Variants in DNAJC5B observed in about 807,000 individuals in gnomAD.
The protein encoded by DNAJC5B is DnaJ heat shock protein family (Hsp40) member C5 beta.
DNAJC5B carries 23 observed loss-of-function variants against 24.7 expected under a neutral mutation model. That is an observed-to-expected ratio of 0.93 (90% CI 0.67 to 1.32). DNAJC5B has a LOEUF of 1.32. DNAJC5B is among the 40% of genes most tolerant of loss of function. DNAJC5B has a pLI of 0.00. For synonymous variants in DNAJC5B, 101 were observed against 90.1 expected, an observed-to-expected ratio of 1.12 and a Z score of -0.68; for missense variants, 238 against 240.8, an observed-to-expected ratio of 0.99 and a Z score of 0.08.
chr8:66,035,312 A>G (rs974159176), intron 1 of DNAJC5B, among the ~76,000 whole-genome samples: 1 of 152,228 alleles, frequency 6.6e-6, no homozygotes, highest in South Asian at 2.1e-4. Context: ...CTGCGCCTGT[A>G]AAAGAGACAT....
At chr8:66,060,168 G>C (rs922465898) in intron 3 of DNAJC5B, among the ~76,000 whole-genome samples, 2 of 152,178 alleles carry the variant, frequency 1.3e-5, no homozygotes, top group Non-Finnish European at 2.9e-5. Context: ...TGCTCAGGGG[G>C]TGAGCCAGAC....
At chr8:66,097,857 C>CT (rs1048934191) in intron 5 of DNAJC5B, among the ~76,000 whole-genome samples, 15 of 151,280 alleles carry the variant, frequency 9.9e-5, no homozygotes, top group East Asian at 1.9e-4. Context: ...CTTGTCTTTT[C>CT]TTTTTTTTTG....
chr8:66,099,822 T>A, intron 5 of DNAJC5B, 115 bp from the exon 6 acceptor site: 1 of 834,846 alleles, frequency 1.2e-6, no homozygotes, highest in Non-Finnish European at 1.9e-6. Context: ...ATTGATATCT[T>A]ATGAATTGAG....
intron 2 of DNAJC5B, among the ~76,000 whole-genome samples, chr8:66,047,756 C>T (rs1806753360): frequency 6.6e-6 from 1 of 152,180 alleles, no homozygotes; most frequent in Non-Finnish European, 1.5e-5. Context: ...AAATAGGATT[C>T]CAGCCCCTGA....
At chr8:66,069,037 G>A (rs1379422541) in intron 3 of DNAJC5B, among the ~76,000 whole-genome samples, 1 of 151,750 alleles carries the variant, frequency 6.6e-6, no homozygotes, top group Admixed American at 6.6e-5. Context: ...AGAGAAAACT[G>A]TGAATTAATC....
intron 5 of DNAJC5B, among the ~76,000 whole-genome samples, chr8:66,088,084 T>C (rs1211808342): frequency 2.6e-5 from 4 of 152,180 alleles, no homozygotes; most frequent in African/African-American, 7.2e-5. Flanking sequence ...TGCCTGGACA[T>C]CCAGGCATTT....
Position 66,100,940 on chromosome 8 carries a change from G to A in DNAJC5B, c.*909G>A, listed in dbSNP as rs560291083. 4.6e-5 allele frequency among the ~76,000 whole-genome samples: 7 copies of A among 152,240 alleles called. No individual in the cohort carries two copies. The East Asian group carries it at 1.3e-3, about 29-fold the overall frequency. On this transcript the variant is annotated 3_prime_UTR_variant, in exon 6 of 6. Transcript: ENST00000276570. Reference sequence around the variant, plus strand: ...GCATGTTACACAATTTAAGCCCAGAGGTCATCTCTGCATTTGCTTGTTTGA... The same window carrying A: ...GCATGTTACACAATTTAAGCCCAGAAGTCATCTCTGCATTTGCTTGTTTGA...
chr8:66,091,125 G>A (rs532117881), intron 5 of DNAJC5B, among the ~76,000 whole-genome samples: 1 of 152,272 alleles, frequency 6.6e-6, no homozygotes, highest in African/African-American at 2.4e-5. Context: ...CATTTGCTGA[G>A]CACTTAGTAT....
At chr8:66,032,053 T>C (rs2128956441) in intron 1 of DNAJC5B, among the ~76,000 whole-genome samples, 1 of 152,396 alleles carries the variant, frequency 6.6e-6, no homozygotes, top group Admixed American at 6.5e-5. Context: ...ATTTAATAAA[T>C]GTTTGCACAT....
chr8:66,089,548 T>A (rs1253678816), intron 5 of DNAJC5B, among the ~76,000 whole-genome samples: 3 of 152,236 alleles, frequency 2.0e-5, no homozygotes, highest in African/African-American at 7.2e-5. Context: ...TAATTATGTA[T>A]CTAAGACTTT....
intron 1 of DNAJC5B, among the ~76,000 whole-genome samples, chr8:66,023,954 C>T (rs76141806): frequency 0.011 from 1,680 of 152,138 alleles, 34 homozygotes; most frequent in African/African-American, 0.036. Context: ...TGCAAATGTA[C>T]TAATATCAGC....
intron 5 of DNAJC5B, among the ~76,000 whole-genome samples, chr8:66,091,488 T>C (rs558119325): frequency 6.6e-6 from 1 of 152,136 alleles, no homozygotes; most frequent in Non-Finnish European, 1.5e-5. Context: ...CCTCTCCCCA[T>C]ATTCTTGTGG....
chr8:66,060,156 C>T (rs577854933), intron 3 of DNAJC5B, among the ~76,000 whole-genome samples: 8 of 152,350 alleles, frequency 5.3e-5, no homozygotes, highest in African/African-American at 1.2e-4. Flanking sequence ...GACCCAGACA[C>T]ATGCTCAGGG....
At chr8:66,099,876 C>T (rs1808035580) in intron 5 of DNAJC5B, 61 bp from the exon 6 acceptor site, 1 of 1,462,760 alleles carries the variant, frequency 6.8e-7, no homozygotes. Context: ...CTATCACTTG[C>T]TTCATTAAAA....
chr8:66,037,433 G>A (rs1038971064), intron 1 of DNAJC5B, among the ~76,000 whole-genome samples: 1 of 152,178 alleles, frequency 6.6e-6, no homozygotes, highest in Non-Finnish European at 1.5e-5. Flanking sequence ...CCTGGGAGGA[G>A]AGACCACGTG....
intron 4 of DNAJC5B, among the ~76,000 whole-genome samples, chr8:66,077,314 G>A (rs937537253): frequency 3.3e-5 from 5 of 152,172 alleles, no homozygotes; most frequent in Non-Finnish European, 7.3e-5. Context: ...CTCACTTGGA[G>A]CCTGCTGTGA....
intron 5 of DNAJC5B, among the ~76,000 whole-genome samples, chr8:66,090,123 A>G (rs1485518744): frequency 6.6e-6 from 1 of 152,132 alleles, no homozygotes; most frequent in Non-Finnish European, 1.5e-5. Context: ...CTTAGACCCT[A>G]TACTCCTCTA....
intron 5 of DNAJC5B, among the ~76,000 whole-genome samples, chr8:66,099,449 C>A (rs1033341371): frequency 1.3e-5 from 2 of 152,232 alleles, no homozygotes; most frequent in African/African-American, 4.8e-5. Flanking sequence ...GACTCTCCCT[C>A]TAAGCAAACT....
At position 66,073,485 on chromosome 8, in the gene DNAJC5B, A is replaced by ATG. The variant is rs61131925; in HGVS notation, c.120-3153_120-3152dup. Among the ~76,000 whole-genome samples the ATG allele has an allele frequency of 5.7e-3, 849 of 149,520 alleles. 10 individuals carry two copies. Among genetic ancestry groups the ATG allele is most frequent in the African/African-American group, 9.3e-3 (381 of 41,030 alleles). ...AGGTTGTGTGAATGTGCATGTGTTC[A>ATG]TGTGTGTGTGTGTGTGTGTGTGTAT... On this transcript the variant is annotated intron_variant, in intron 3 of 5. Transcript: ENST00000276570.
Sources: allele counts gnomAD v4.1 joint callset (sites outside exome capture counted in the v4.1 genomes callset), GRCh38; gene constraint gnomAD v4.1.1; transcripts MANE v1.5; gene names NCBI Gene and HGNC (gene_info 2026-07-23, HGNC 2026-07-21).